The following GULP1 variants were observed in gnomAD, a reference collection of about 807,000 sequenced individuals.
The protein encoded by GULP1 is PTB domain-containing engulfment adapter protein 1.
In GULP1, 19 loss-of-function variants were observed where a neutral mutation model predicts 40.9. The ratio of observed to expected loss-of-function variants is 0.46; its 90% CI spans 0.32 to 0.68. The LOEUF is 0.68. Ranked by LOEUF, GULP1 falls within the 30% of genes least tolerant of loss-of-function variation. The pLI is 0.03. For synonymous variants in GULP1, 119 were observed against 117.6 expected (o/e 1.01, Z -0.08); for missense variants, 312 against 362.2 (o/e 0.86, Z 1.12).
At chr2:188,480,740 A>T (rs2061384629) in intron 3 of GULP1, among the ~76,000 whole-genome samples, 1 of 151,822 alleles carries the variant, frequency 6.6e-6, no homozygotes, top group African/African-American at 2.4e-5. Flanking sequence ...ATTACATCAA[A>T]TATAAATCAT....
At chr2:188,319,560 A>G (rs2039653029) in intron 1 of GULP1, among the ~76,000 whole-genome samples, 1 of 152,210 alleles carries the variant, frequency 6.6e-6, no homozygotes, top group Admixed American at 6.6e-5. Context: ...TACCACTGCT[A>G]GCATCTCATA....
intron 7 of GULP1, among the ~76,000 whole-genome samples, chr2:188,561,712 G>T (rs145775638): frequency 1.3e-5 from 2 of 152,162 alleles, no homozygotes; most frequent in African/African-American, 4.8e-5. Context: ...TAGTAGCCAC[G>T]CTGAGGCCCC....
At chr2:188,404,954 C>A (rs2052859286) in intron 2 of GULP1, among the ~76,000 whole-genome samples, 1 of 152,166 alleles carries the variant, frequency 6.6e-6, no homozygotes, top group Non-Finnish European at 1.5e-5. Context: ...TGGTGCCAGG[C>A]TGGCCCCTGT....
At chr2:188,380,093 T>C (rs571301581) in intron 1 of GULP1, among the ~76,000 whole-genome samples, 61 of 152,276 alleles carry the variant, frequency 4.0e-4, no homozygotes, top group African/African-American at 1.4e-3. Flanking sequence ...ATGAAGAAAA[T>C]TACTTTTCTA....
intron 2 of GULP1, 96 bp downstream of exon 2, chr2:188,383,985 A>G (rs533082774): frequency 6.6e-6 from 1 of 152,340 alleles, no homozygotes; most frequent in Non-Finnish European, 1.5e-5. Context: ...GTTTAAAAAT[A>G]TAGTCTTTTG....
intron 7 of GULP1, among the ~76,000 whole-genome samples, chr2:188,545,559 T>A (rs1691703564): frequency 6.6e-6 from 1 of 151,632 alleles, no homozygotes; most frequent in Admixed American, 6.6e-5. Flanking sequence ...GTGAATCCAA[T>A]AACAACCATT....
intron 10 of GULP1, 66 bp downstream of exon 10, chr2:188,584,469 A>T: frequency 3.7e-6 from 3 of 819,056 alleles, no homozygotes; most frequent in Non-Finnish European, 5.5e-6. Context: ...TATAATTAAG[A>T]CTTTGTGGGA....
At chr2:188,409,322 GAAC>G (rs1474565786) in intron 2 of GULP1, among the ~76,000 whole-genome samples, 7 of 152,202 alleles carry the variant, frequency 4.6e-5, no homozygotes, top group Admixed American at 3.9e-4. Flanking sequence ...AGACTGCTAT[GAAC>G]AACAATATAA....
chr2:188,423,298 T>C (rs1381114921), intron 2 of GULP1, among the ~76,000 whole-genome samples: 2 of 152,074 alleles, frequency 1.3e-5, no homozygotes, highest in East Asian at 1.9e-4. Context: ...AACAGTTGAA[T>C]GTGTAGGAAC....
At chr2:188,522,636 T>C in intron 4 of GULP1, 120 bp from the exon 5 acceptor site, 1 of 376,438 alleles carries the variant, frequency 2.7e-6, no homozygotes, top group Non-Finnish European at 5.0e-6. Flanking sequence ...TAATTCTATT[T>C]AATTAACATA....
At chr2:188,492,863 A>G (rs1221561793) in intron 4 of GULP1, among the ~76,000 whole-genome samples, 1 of 152,032 alleles carries the variant, frequency 6.6e-6, no homozygotes, top group East Asian at 1.9e-4. Context: ...TTTTTCCTTA[A>G]TAGCACATTT....
At chr2:188,373,880 C>T (rs1438621976) in intron 1 of GULP1, among the ~76,000 whole-genome samples, 1 of 151,918 alleles carries the variant, frequency 6.6e-6, no homozygotes, top group Non-Finnish European at 1.5e-5. Context: ...TCAATATCAC[C>T]TGTAACATAT....
At chr2:188,440,190 A>G (rs1253747307) in intron 2 of GULP1, among the ~76,000 whole-genome samples, 2 of 152,208 alleles carry the variant, frequency 1.3e-5, no homozygotes, top group Non-Finnish European at 2.9e-5. Context: ...TTCATTAGAT[A>G]AAAACAAATC....
chr2:188,491,534 A>C (rs2062390934), intron 4 of GULP1: 1 of 152,122 alleles, frequency 6.6e-6, no homozygotes, highest in South Asian at 2.1e-4. Flanking sequence ...AGATGTGAAC[A>C]CAGAAATTGA....
chr2:188,300,029 GT>G (rs2035849881), intron 1 of GULP1, among the ~76,000 whole-genome samples: 1 of 152,180 alleles, frequency 6.6e-6, no homozygotes, highest in African/African-American at 2.4e-5. Context: ...TGGATTAATA[GT>G]TTTAGCTGAA....
At chr2:188,405,341 C>G (rs1394330240) in intron 2 of GULP1, among the ~76,000 whole-genome samples, 2 of 152,102 alleles carry the variant, frequency 1.3e-5, no homozygotes, top group Non-Finnish European at 2.9e-5. Context: ...CACAGGTCAG[C>G]TATAGGCTCT....
chr2:188,391,001 G>A (rs2050447329), intron 2 of GULP1, among the ~76,000 whole-genome samples: 1 of 152,026 alleles, frequency 6.6e-6, no homozygotes, highest in African/African-American at 2.4e-5. Flanking sequence ...CCAGTACCAT[G>A]CTGTTTTGGT....
At chr2:188,362,879 G>A (rs1434257749) in intron 1 of GULP1, among the ~76,000 whole-genome samples, 1 of 151,838 alleles carries the variant, frequency 6.6e-6, no homozygotes, top group East Asian at 1.9e-4. Flanking sequence ...GAAACATTTG[G>A]AGATCTAGCA....
Position 188,566,752 on chromosome 2 carries a change from G to A in GULP1, c.400-2487G>A, listed in dbSNP as rs564630258. Reference sequence around the variant, plus strand: ...GGAGGTTGCAGTGAGCTGAGATTGCGCCACTGCACTCCAGCCTGGGTAGCT... The same window carrying A: ...GGAGGTTGCAGTGAGCTGAGATTGCACCACTGCACTCCAGCCTGGGTAGCT... On this transcript the variant is annotated intron_variant, in intron 7 of 11. Transcript: ENST00000409830. Among the ~76,000 whole-genome samples the A allele has an allele frequency of 1.6e-4, 21 of 128,486 alleles. No individual in the cohort carries two copies. The East Asian group carries it at 3.8e-3, about 23-fold the overall frequency. 84.3% of individuals were successfully genotyped at this position (128,486 alleles called of 152,430 possible).
Sources: gnomAD v4.1 joint callset for allele counts (sites outside exome capture counted in the v4.1 genomes callset) on GRCh38, gnomAD v4.1.1 for gene constraint, MANE v1.5 for transcripts, NCBI Gene and HGNC (gene_info 2026-07-23, HGNC 2026-07-21) for gene names.